Variants in SRP19 observed in about 807,000 individuals in gnomAD.
The protein encoded by SRP19 is signal recognition particle 19 kDa protein.
In SRP19, 11 loss-of-function variants were observed where a neutral mutation model predicts 22.4. The observed-to-expected ratio is 0.49, with a 90% CI of 0.31 to 0.81. The LOEUF (loss-of-function observed/expected upper bound fraction) is 0.81, where lower values mean the gene tolerates loss of function less well. Ranked by LOEUF, SRP19 falls within the 40% of genes least tolerant of loss-of-function variation. SRP19 has a pLI of 0.05. For missense variants in SRP19, 168 were observed against 175.9 expected, an observed-to-expected ratio of 0.96 and a Z score of 0.25; for synonymous variants, 61 against 57.6, an observed-to-expected ratio of 1.06 and a Z score of -0.27.
intron 4 of SRP19, among the ~76,000 whole-genome samples, chr5:112,887,697 C>A (rs191057243): frequency 1.6e-4 from 25 of 152,100 alleles, no homozygotes; most frequent in African/African-American, 5.1e-4. Context: ...TAGATCTTAG[C>A]CTTCAAGGAA....
rs1767716035 is a variant in SRP19 at position 112,869,729 on chromosome 5, G to A, written c.*2192G>A. ...TCTTGAGATAATGAGTGACTCTCAG[G>A]AGATCTGTTGGTTTTATAAGTGCCT... On this transcript the variant is annotated 3_prime_UTR_variant, in exon 5 of 5. Coordinates refer to ENST00000505459, the MANE Select transcript of SRP19 (RefSeq NM_003135.3). The A allele has an allele frequency of 1.3e-5, 2 of 152,162 alleles. No individual in the cohort carries two copies. Among genetic ancestry groups the A allele is most frequent in the Non-Finnish European group, 2.9e-5 (2 of 68,034 alleles). The allele number at this position is 152,162 out of a possible 1,614,324, so 9.4% of individuals were successfully genotyped here. A position where few individuals can be genotyped will look rare whatever the true frequency, so the allele number is the denominator to read the frequency against.
intron 4 of SRP19, among the ~76,000 whole-genome samples, chr5:112,880,601 A>T (rs981319375): frequency 1.3e-5 from 2 of 152,244 alleles, no homozygotes; most frequent in African/African-American, 4.8e-5. Context: ...AGTTAATCCA[A>T]AAGCTTTGAG....
At chr5:112,878,875 C>T in intron 4 of SRP19, 1 of 1,613,526 alleles carries the variant, frequency 6.2e-7, no homozygotes, top group Non-Finnish European at 8.5e-7. Flanking sequence ...TATATCAAAG[C>T]TCTTTCTTTG....
rs753627482 is a variant in SRP19 at position 112,867,557 on chromosome 5, A to T, written c.*20A>T. The T allele has an allele frequency of 2.5e-6, 4 of 1,594,922 alleles. No homozygotes were observed. Among genetic ancestry groups the T allele is most frequent in the Non-Finnish European group, 2.6e-6 (3 of 1,170,238 alleles). Reference sequence around the variant, plus strand: ...AAGTAACCTAGTATCAGCATCAAGTATGTGGTACTACTGTAAGAGACATGA... The same window carrying T: ...AAGTAACCTAGTATCAGCATCAAGTTTGTGGTACTACTGTAAGAGACATGA... On this transcript the variant is annotated 3_prime_UTR_variant, in exon 5 of 5. Transcript: ENST00000505459.
chr5:112,892,465 T>G (rs758839501), exon 5 of SRP19: 1 of 1,614,022 alleles, frequency 6.2e-7, no homozygotes, highest in African/African-American at 1.3e-5. Context: ...GGGCAATGTA[T>G]ATGTTCAGTA....
At chr5:112,885,452 C>A in intron 4 of SRP19, 1 of 194,434 alleles carries the variant, frequency 5.1e-6, no homozygotes, top group Non-Finnish European at 1.1e-5. Flanking sequence ...GAAGAGGAGG[C>A]GAAAGCCAAG....
Position 112,864,627 on chromosome 5 carries a change from A to C in SRP19, c.196A>C (p.Lys66Gln), listed in dbSNP as rs1341305429. 1 of 1,613,942 alleles carries C rather than the reference A, an allele frequency of 6.2e-7. No individual in the cohort carries two copies. Among genetic ancestry groups the C allele is most frequent in the Non-Finnish European group, 8.5e-7 (1 of 1,179,892 alleles). The change falls in exon 4 of 5, where the codon AAA (lysine) becomes CAA (glutamine). Residue 66 changes from lysine (K) to glutamine (Q), a missense_variant. Lys to Gln is a moderately conservative substitution (Grantham distance 53). Transcript: ENST00000505459. ...TTTGTTTCGTTTATGTTAGAAAAAT[A>C]AAATGTACTCTAGAGAATGGAATCG... ...VGLNVFLEKN[K>Q]MYSREWNRDV... is the part of the protein sequence containing the mutation.
intron 4 of SRP19, among the ~76,000 whole-genome samples, chr5:112,879,975 A>G (rs1580726261): frequency 6.6e-6 from 1 of 152,226 alleles, no homozygotes; most frequent in East Asian, 1.9e-4. Context: ...ACCTAATGCA[A>G]CATGAATGCT....
At chr5:112,870,538 C>T (rs753502313), downstream of SRP19, among the ~76,000 whole-genome samples, 21 of 151,926 alleles carry the variant, frequency 1.4e-4, no homozygotes, top group Non-Finnish European at 2.6e-4. Flanking sequence ...TGGTTGAAAT[C>T]TGGAAATGGT....
intron 4 of SRP19, chr5:112,878,371 CAG>C (rs1210798922): frequency 6.0e-6 from 1 of 165,302 alleles, no homozygotes; most frequent in Non-Finnish European, 1.3e-5. Flanking sequence ...AAAAACATTT[CAG>C]AATTATATAA....
At chr5:112,871,817 C>G (rs1458152292), downstream of SRP19, among the ~76,000 whole-genome samples, 1 of 152,088 alleles carries the variant, frequency 6.6e-6, no homozygotes, top group Non-Finnish European at 1.5e-5. Flanking sequence ...CTCCTGGGCT[C>G]AAGCAATTCT....
At chr5:112,886,916 G>T in intron 4 of SRP19, 1 of 821,440 alleles carries the variant, frequency 1.2e-6, no homozygotes, top group South Asian at 2.1e-5. Context: ...ATTTGGCTGA[G>T]GGGTGGTGAT....
intron 4 of SRP19, among the ~76,000 whole-genome samples, chr5:112,865,894 AT>A (rs1232908760): frequency 1.3e-5 from 2 of 152,000 alleles, no homozygotes; most frequent in Non-Finnish European, 2.9e-5. Flanking sequence ...CCCCGGCCTG[AT>A]TTTTTTAAAA....
intron 4 of SRP19, among the ~76,000 whole-genome samples, chr5:112,880,891 G>A (rs530755972): frequency 2.0e-5 from 3 of 152,296 alleles, no homozygotes; most frequent in Admixed American, 6.5e-5. Context: ...CATTTTGAGA[G>A]GCCGAGGTGG....
At chr5:112,878,526 AACAT>A (rs1465490890) in intron 4 of SRP19, 3 of 475,738 alleles carry the variant, frequency 6.3e-6, no homozygotes, top group Non-Finnish European at 1.1e-5. Context: ...GCAGGATAGC[AACAT>A]ACATCTTTTC....
intron 4 of SRP19, chr5:112,876,336 A>T (rs2150030989): frequency 6.6e-6 from 1 of 152,346 alleles, no homozygotes; most frequent in East Asian, 1.9e-4. Flanking sequence ...TTCCTTAAAT[A>T]ATTCTGGGTT....
intron 4 of SRP19, among the ~76,000 whole-genome samples, chr5:112,866,372 T>C (rs1224794466): frequency 2.6e-5 from 4 of 152,152 alleles, no homozygotes; most frequent in Non-Finnish European, 5.9e-5. Flanking sequence ...CACCTTGGCC[T>C]CCCAGAATGT....
rs891282557 is a variant in SRP19, at chr5:112,869,054, T to G, written c.*1517T>G. ...TTGAGAAAGTGGGTGTGTTTGGCTG[T>G]GTAACAAAACAATAAGGGGATGTGT... On this transcript the variant is annotated 3_prime_UTR_variant, in exon 5 of 5. Coordinates refer to ENST00000505459, the MANE Select transcript of SRP19 (RefSeq NM_003135.3). The G allele has an allele frequency of 6.6e-6, 1 of 152,206 alleles. No individual in the cohort carries two copies. The highest frequency in any genetic ancestry group is 1.5e-5 in the Non-Finnish European group (1 of 68,042). The allele number at this position is 152,206 out of a possible 1,614,324, so 9.4% of individuals were successfully genotyped here.
intron 4 of SRP19, among the ~76,000 whole-genome samples, chr5:112,889,455 A>C (rs1264091899): frequency 6.6e-6 from 1 of 150,916 alleles, no homozygotes; most frequent in African/African-American, 2.5e-5. Context: ...AAATAGGATG[A>C]TAAAGAAGGA....
Sources: gnomAD v4.1 joint callset for allele counts (sites outside exome capture counted in the v4.1 genomes callset) on GRCh38, gnomAD v4.1.1 for gene constraint, MANE v1.5 for transcripts, NCBI Gene and HGNC (gene_info 2026-07-23, HGNC 2026-07-21) for gene names.